LRMDA: variants seen among roughly 807,000 people sequenced by gnomAD.
LRMDA encodes leucine-rich melanocyte differentiation-associated protein.
In LRMDA, 18 loss-of-function variants were observed where a neutral mutation model predicts 29.8. That is an observed-to-expected ratio of 0.60 (90% CI 0.42 to 0.90). The LOEUF is 0.90. Ranked by LOEUF, LRMDA falls within the 40% of genes least tolerant of loss-of-function variation. The pLI is 0.00. For synonymous variants in LRMDA, 125 were observed against 109.4 expected (o/e 1.14, Z -0.89); for missense variants, 273 against 273.9 (o/e 1.00, Z 0.02).
At chr10:75,888,872 G>A (rs990068469) in intron 2 of LRMDA, among the ~76,000 whole-genome samples, 9 of 152,130 alleles carry the variant, frequency 5.9e-5, no homozygotes, top group African/African-American at 1.7e-4. Context: ...ATTACTAAGC[G>A]GGTCTTAGAC....
intron 2 of LRMDA, among the ~76,000 whole-genome samples, chr10:75,756,498 A>G (rs1381986373): frequency 1.3e-5 from 2 of 152,170 alleles, no homozygotes; most frequent in Admixed American, 6.5e-5. Context: ...GACTTCTTTT[A>G]TGTACCAGAG....
At chr10:76,042,485 G>A (rs1461664109) in intron 3 of LRMDA, among the ~76,000 whole-genome samples, 2 of 152,202 alleles carry the variant, frequency 1.3e-5, no homozygotes, top group African/African-American at 4.8e-5. Context: ...CAGGTTTGGG[G>A]AGTGTGAAAC....
chr10:76,266,983 A>T (rs1350849550), intron 5 of LRMDA, among the ~76,000 whole-genome samples: 1 of 152,078 alleles, frequency 6.6e-6, no homozygotes, highest in Non-Finnish European at 1.5e-5. Flanking sequence ...TACAGGAGGG[A>T]CACATTATCA....
chr10:76,155,769 T>C (rs907837161), intron 5 of LRMDA, among the ~76,000 whole-genome samples: 1 of 152,190 alleles, frequency 6.6e-6, no homozygotes, highest in Non-Finnish European at 1.5e-5. Flanking sequence ...GATTTCTGGT[T>C]CCTGCATATG....
At chr10:75,886,227 A>G (rs1300949194) in intron 2 of LRMDA, among the ~76,000 whole-genome samples, 1 of 152,158 alleles carries the variant, frequency 6.6e-6, no homozygotes, top group African/African-American at 2.4e-5. Flanking sequence ...ACATTAGGAA[A>G]CTTTTACAGA....
chr10:76,171,901 A>G (rs1850846104), intron 5 of LRMDA, among the ~76,000 whole-genome samples: 1 of 152,182 alleles, frequency 6.6e-6, no homozygotes, highest in Non-Finnish European at 1.5e-5. Context: ...TAAAGCAAAG[A>G]GGTTTATTTG....
chr10:75,441,683 A>G (rs1358253858), intron 2 of LRMDA, among the ~76,000 whole-genome samples: 1 of 152,138 alleles, frequency 6.6e-6, no homozygotes, highest in Non-Finnish European at 1.5e-5. Flanking sequence ...AGCTATCCTC[A>G]GAAGCACAAA....
chr10:76,315,908 C>T (rs1006478471), intron 5 of LRMDA, among the ~76,000 whole-genome samples: 19 of 152,170 alleles, frequency 1.2e-4, no homozygotes, highest in Admixed American at 3.3e-4. Flanking sequence ...ACCCTCCCCA[C>T]TCCAATGACC....
chr10:75,908,242 G>A (rs1845787677), intron 2 of LRMDA, among the ~76,000 whole-genome samples: 1 of 152,126 alleles, frequency 6.6e-6, no homozygotes, highest in African/African-American at 2.4e-5. Context: ...AGTCACTGAT[G>A]CAGATACTGA....
chr10:75,436,074 AGAG>A (rs1250779163), intron 1 of LRMDA, among the ~76,000 whole-genome samples: 4 of 92,216 alleles, frequency 4.3e-5, no homozygotes, highest in South Asian at 3.1e-4. Flanking sequence ...AAAAAAAAAA[AGAG>A]AGAGAGAAAT....
intron 2 of LRMDA, among the ~76,000 whole-genome samples, chr10:75,962,998 A>T (rs575956679): frequency 2.7e-4 from 41 of 152,320 alleles, no homozygotes; most frequent in African/African-American, 9.6e-4. Flanking sequence ...GGGAAGACCA[A>T]TTAGGGAATT....
At chr10:75,611,423 C>T (rs1252630630) in intron 2 of LRMDA, among the ~76,000 whole-genome samples, 1 of 152,180 alleles carries the variant, frequency 6.6e-6, no homozygotes, top group Non-Finnish European at 1.5e-5. Flanking sequence ...TACCCGCATT[C>T]ACATTGCTGT....
At chr10:75,862,876 A>ATTTC (rs1177215110) in intron 2 of LRMDA, among the ~76,000 whole-genome samples, 1 of 152,142 alleles carries the variant, frequency 6.6e-6, no homozygotes, top group Admixed American at 6.5e-5. Context: ...AGGGCAGTCC[A>ATTTC]TTTCTTACCA....
At chr10:76,416,009 C>T (rs1308353451) in intron 6 of LRMDA, among the ~76,000 whole-genome samples, 1 of 152,194 alleles carries the variant, frequency 6.6e-6, no homozygotes, top group Non-Finnish European at 1.5e-5. Flanking sequence ...TGTGAAGCCG[C>T]TATTCACTGC....
intron 2 of LRMDA, among the ~76,000 whole-genome samples, chr10:75,836,242 G>A (rs1464833040): frequency 6.6e-6 from 1 of 152,134 alleles, no homozygotes; most frequent in Non-Finnish European, 1.5e-5. Context: ...GATTCTTGCA[G>A]CTGCACAGAA....
chr10:76,377,598 G>A (rs1444707633), intron 6 of LRMDA, among the ~76,000 whole-genome samples: 1 of 152,048 alleles, frequency 6.6e-6, no homozygotes, highest in African/African-American at 2.4e-5. Context: ...TTCGCATATG[G>A]CTACCCAATT....
chr10:76,542,628 A>AT, intron 6 of LRMDA, among the ~76,000 whole-genome samples: 1 of 152,144 alleles, frequency 6.6e-6, no homozygotes, highest in Non-Finnish European at 1.5e-5. Context: ...TTGTTAATTG[A>AT]TTTTTTGCAC....
At chr10:75,845,625 G>A (rs1257441427) in intron 2 of LRMDA, among the ~76,000 whole-genome samples, 1 of 152,174 alleles carries the variant, frequency 6.6e-6, no homozygotes, top group African/African-American at 2.4e-5. Context: ...AAGGAGCTCT[G>A]TGACCATTTT....
chr10:75,743,398 C>G (rs1273625475), intron 2 of LRMDA: 1 of 152,250 alleles, frequency 6.6e-6, no homozygotes, highest in Admixed American at 6.5e-5. Context: ...TGGGATGAGC[C>G]GTGAGTCCTC....
Sources: gnomAD v4.1 joint callset for allele counts (sites outside exome capture counted in the v4.1 genomes callset) on GRCh38, gnomAD v4.1.1 for gene constraint, MANE v1.5 for transcripts, NCBI Gene and HGNC (gene_info 2026-07-23, HGNC 2026-07-21) for gene names.